SPOCK3: variants seen among roughly 807,000 people sequenced by gnomAD.
SPOCK3 encodes testican-3.
A neutral mutation model predicts 56.6 loss-of-function variants in SPOCK3; 30 were observed. The observed-to-expected ratio is 0.53, with a 90% confidence interval of 0.40 to 0.72. The LOEUF is 0.72. Ranked by LOEUF, SPOCK3 falls within the 30% of genes least tolerant of loss-of-function variation. The pLI, the probability that SPOCK3 is intolerant of heterozygous loss-of-function variation, is 0.00. For synonymous variants in SPOCK3, 196 were observed against 183.3 expected, an observed-to-expected ratio of 1.07 and a Z score of -0.56; for missense variants, 527 against 530.0, an observed-to-expected ratio of 0.99 and a Z score of 0.06.
intron 2 of SPOCK3, among the ~76,000 whole-genome samples, chr4:167,131,878 C>A (rs1267186875): frequency 6.6e-6 from 1 of 152,070 alleles, no homozygotes; most frequent in Admixed American, 6.6e-5. Flanking sequence ...AATCTCAAAA[C>A]CTAAGAAAAA....
intron 6 of SPOCK3, among the ~76,000 whole-genome samples, chr4:166,818,501 C>T (rs1481216358): frequency 6.6e-6 from 1 of 151,950 alleles, no homozygotes; most frequent in Non-Finnish European, 1.5e-5. Flanking sequence ...TTAAGTGTAA[C>T]TTACTTTCGA....
intron 4 of SPOCK3, among the ~76,000 whole-genome samples, chr4:166,987,538 G>A (rs1473470087): frequency 1.3e-5 from 2 of 152,020 alleles, no homozygotes; most frequent in Non-Finnish European, 2.9e-5. Context: ...CATAACCCAG[G>A]TGCCTATATG....
intron 8 of SPOCK3, among the ~76,000 whole-genome samples, chr4:166,746,044 T>A (rs1348670098): frequency 6.6e-6 from 1 of 152,168 alleles, no homozygotes; most frequent in Admixed American, 6.5e-5. Context: ...AATGGGAGAC[T>A]TTAACACCCT....
chr4:166,952,158 C>A (rs375217738), intron 4 of SPOCK3, among the ~76,000 whole-genome samples: 1 of 152,044 alleles, frequency 6.6e-6, no homozygotes, highest in African/African-American at 2.4e-5. Flanking sequence ...TGTTTGCAGA[C>A]GACATGATTG....
intron 3 of SPOCK3, among the ~76,000 whole-genome samples, chr4:167,056,853 A>T (rs1171850295): frequency 1.3e-5 from 2 of 152,222 alleles, no homozygotes; most frequent in Non-Finnish European, 2.9e-5. Flanking sequence ...CCAAGTTGGA[A>T]AACACTCTGC....
chr4:167,027,392 A>G (rs1033462769), intron 3 of SPOCK3, among the ~76,000 whole-genome samples: 1 of 152,084 alleles, frequency 6.6e-6, no homozygotes, highest in African/African-American at 2.4e-5. Context: ...TTGGGAAATC[A>G]TTCCTTTGCT....
chr4:166,802,298 A>ACAAGAAT (rs2126692540), intron 6 of SPOCK3, among the ~76,000 whole-genome samples: 1 of 152,316 alleles, frequency 6.6e-6, no homozygotes, highest in African/African-American at 2.4e-5. Context: ...GATTGAAGGG[A>ACAAGAAT]CAAGAATAGC....
At chr4:166,888,866 A>G (rs1255249455) in intron 6 of SPOCK3, among the ~76,000 whole-genome samples, 1 of 152,018 alleles carries the variant, frequency 6.6e-6, no homozygotes, top group East Asian at 1.9e-4. Flanking sequence ...TATAGAATGC[A>G]TTGGTTTAGA....
intron 4 of SPOCK3, among the ~76,000 whole-genome samples, chr4:166,964,930 C>G (rs1333210426): frequency 2.0e-5 from 3 of 151,728 alleles, no homozygotes; most frequent in African/African-American, 7.3e-5. Flanking sequence ...ATGTGAACAA[C>G]TGTAAAGATG....
chr4:166,961,009 G>A (rs538110765), intron 4 of SPOCK3, among the ~76,000 whole-genome samples: 2 of 152,258 alleles, frequency 1.3e-5, no homozygotes, highest in East Asian at 3.9e-4. Context: ...TCTGGCAGTT[G>A]TAGATTTAGA....
chr4:166,924,178 A>C (rs188887531), intron 4 of SPOCK3, among the ~76,000 whole-genome samples: 27 of 152,228 alleles, frequency 1.8e-4, no homozygotes, highest in Non-Finnish European at 3.7e-4. Flanking sequence ...TTTTTTCCTC[A>C]ATGTTATTTT....
intron 6 of SPOCK3, among the ~76,000 whole-genome samples, chr4:166,863,144 T>C (rs932866048): frequency 2.0e-5 from 3 of 152,202 alleles, no homozygotes; most frequent in Admixed American, 2.0e-4. Flanking sequence ...ACCCAGAATT[T>C]CATATCCAGC....
intron 2 of SPOCK3, among the ~76,000 whole-genome samples, chr4:167,210,109 T>G (rs773601523): frequency 3.3e-5 from 5 of 152,190 alleles, no homozygotes; most frequent in Non-Finnish European, 7.3e-5. Context: ...GTCCTAACAA[T>G]TTTCAGTCTC....
At chr4:166,749,187 C>T (rs1736036256) in intron 8 of SPOCK3, among the ~76,000 whole-genome samples, 1 of 137,106 alleles carries the variant, frequency 7.3e-6, no homozygotes, top group East Asian at 2.0e-4. Context: ...CACATGTGCA[C>T]GTATGTTTAT....
At chr4:166,786,043 T>C (rs1320483689) in intron 7 of SPOCK3, among the ~76,000 whole-genome samples, 1 of 152,080 alleles carries the variant, frequency 6.6e-6, no homozygotes, top group Non-Finnish European at 1.5e-5. Context: ...ATATATCAGG[T>C]AGCAATATTT....
At chr4:166,921,810 G>A (rs1297874166) in intron 4 of SPOCK3, among the ~76,000 whole-genome samples, 1 of 152,150 alleles carries the variant, frequency 6.6e-6, no homozygotes, top group Non-Finnish European at 1.5e-5. Flanking sequence ...TCTATGAACT[G>A]AATCAGGTAC....
At chr4:166,960,232 C>T (rs1025706351) in intron 4 of SPOCK3, among the ~76,000 whole-genome samples, 1 of 152,034 alleles carries the variant, frequency 6.6e-6, no homozygotes, top group Non-Finnish European at 1.5e-5. Flanking sequence ...AGGCTTTGTG[C>T]AGGCTGATAT....
intron 4 of SPOCK3, among the ~76,000 whole-genome samples, chr4:166,922,033 C>T (rs550450726): frequency 2.0e-5 from 3 of 152,254 alleles, no homozygotes; most frequent in South Asian, 2.1e-4. Context: ...ACCTGAGCAC[C>T]GCCTCCTGTC....
intron 8 of SPOCK3, among the ~76,000 whole-genome samples, chr4:166,746,818 C>G (rs1560813818): frequency 6.6e-6 from 1 of 152,148 alleles, no homozygotes; most frequent in Non-Finnish European, 1.5e-5. Context: ...ACCGATCCCA[C>G]AGAAATACAA....
Sources: allele counts gnomAD v4.1 joint callset (sites outside exome capture counted in the v4.1 genomes callset), GRCh38; gene constraint gnomAD v4.1.1; transcripts MANE v1.5; gene names NCBI Gene and HGNC (gene_info 2026-07-23, HGNC 2026-07-21).